The following HMCN1 variants were observed in gnomAD, a reference collection of about 807,000 sequenced individuals.
The protein encoded by HMCN1 is hemicentin 1.
A neutral mutation model predicts 625.9 loss-of-function variants in HMCN1; 321 were observed. The ratio of observed to expected loss-of-function variants is 0.51; its 90% CI spans 0.47 to 0.56. The LOEUF (loss-of-function observed/expected upper bound fraction) is 0.56, where lower values mean the gene tolerates loss of function less well. HMCN1 is among the 20% of genes least tolerant of loss of function. The pLI is 0.00. For missense variants in HMCN1, 6,588 were observed against 6,887.3 expected, an observed-to-expected ratio of 0.96 and a Z score of 1.54; for synonymous variants, 2,425 against 2,417.6, an observed-to-expected ratio of 1.00 and a Z score of -0.09.
intron 55 of HMCN1, among the ~76,000 whole-genome samples, chr1:186,078,597 T>G (rs1213479937): frequency 3.9e-5 from 6 of 152,198 alleles, no homozygotes; most frequent in Admixed American, 3.9e-4. Context: ...GGGATCCCCT[T>G]GGATAGCAAG....
At chr1:185,848,984 C>T (rs533935075) in intron 2 of HMCN1, among the ~76,000 whole-genome samples, 1 of 152,308 alleles carries the variant, frequency 6.6e-6, no homozygotes, top group Admixed American at 6.5e-5. Flanking sequence ...AGCTTCTCTA[C>T]TCTGCAGACA....
At chr1:185,759,767 G>A (rs932360598) in intron 1 of HMCN1, among the ~76,000 whole-genome samples, 20 of 150,756 alleles carry the variant, frequency 1.3e-4, no homozygotes, top group African/African-American at 4.6e-4. Flanking sequence ...ATGGACTTTT[G>A]TCTCTAACCT....
chr1:185,997,759 A>G (rs1004416926), intron 25 of HMCN1, among the ~76,000 whole-genome samples: 1 of 149,810 alleles, frequency 6.7e-6, no homozygotes, highest in Non-Finnish European at 1.5e-5. Flanking sequence ...AAACTTGCCT[A>G]GTCTCACATG....
At chr1:185,937,607 C>T (rs1027414386) in intron 11 of HMCN1, among the ~76,000 whole-genome samples, 7 of 152,112 alleles carry the variant, frequency 4.6e-5, no homozygotes, top group African/African-American at 4.8e-5. Context: ...ATGGGCTGGA[C>T]GCAGTGGCTC....
At chr1:185,888,421 T>C (rs1263069834) in intron 4 of HMCN1, among the ~76,000 whole-genome samples, 164 of 143,390 alleles carry the variant, frequency 1.1e-3, no homozygotes, top group African/African-American at 4.2e-3. Flanking sequence ...AGGTTTTCTT[T>C]TAGGGTTTTT....
chr1:185,888,999 T>A (rs1174918871), intron 4 of HMCN1, among the ~76,000 whole-genome samples: 1 of 146,376 alleles, frequency 6.8e-6, no homozygotes, highest in African/African-American at 2.8e-5. Flanking sequence ...CAGCGGTTTG[T>A]AGTTCTCCTT....
At chr1:185,842,641 G>A (rs1429965186) in intron 1 of HMCN1, among the ~76,000 whole-genome samples, 4 of 151,974 alleles carry the variant, frequency 2.6e-5, no homozygotes, top group Non-Finnish European at 4.4e-5. Flanking sequence ...GAGGCAGGAG[G>A]ATCACTTGAT....
intron 1 of HMCN1, among the ~76,000 whole-genome samples, chr1:185,802,471 G>T (rs1193826918): frequency 1.3e-5 from 2 of 152,140 alleles, no homozygotes; most frequent in African/African-American, 2.4e-5. Flanking sequence ...TAGTACAATG[G>T]CCTAAGAATA....
At chr1:186,184,486 A>G (rs12124387) in intron 105 of HMCN1, among the ~76,000 whole-genome samples, 36,375 of 152,116 alleles carry the variant, frequency 0.24, 4,748 homozygotes, top group Middle Eastern at 0.35. Flanking sequence ...AAGCATGACC[A>G]ATCAAGAATT....
intron 34 of HMCN1, among the ~76,000 whole-genome samples, chr1:186,018,691 G>A (rs1034423143): frequency 3.9e-5 from 6 of 151,960 alleles, no homozygotes; most frequent in African/African-American, 7.2e-5. Flanking sequence ...GAAGAGGCAC[G>A]GAGCAAGTTC....
chr1:186,117,593 A>AG lies in HMCN1; in HGVS notation c.11822dup (p.Asp3942ArgfsTer4). ...CAAAAATGGTATAAGACTGCTTCCC[A>AG]GGGGAGATGGCTATAGAATTCTGTC... On this transcript the variant is annotated frameshift_variant, in exon 77 of 107. Coordinates refer to ENST00000271588, the MANE Select transcript of HMCN1 (RefSeq NM_031935.3). LOFTEE classifies it high-confidence loss of function. 1 of 1,613,856 alleles carries AG rather than the reference A, an allele frequency of 6.2e-7. No homozygotes were observed.
At chr1:185,827,389 A>G (rs1364862916) in intron 1 of HMCN1, among the ~76,000 whole-genome samples, 3 of 152,090 alleles carry the variant, frequency 2.0e-5, no homozygotes, top group Admixed American at 1.3e-4. Context: ...TGCCAATAAA[A>G]AATAAAAGAA....
At chr1:185,956,476 A>G (rs1230625348) in intron 11 of HMCN1, among the ~76,000 whole-genome samples, 1 of 152,210 alleles carries the variant, frequency 6.6e-6, no homozygotes, top group Non-Finnish European at 1.5e-5. Context: ...TTTATTATAA[A>G]GGATATTACA....
intron 1 of HMCN1, among the ~76,000 whole-genome samples, chr1:185,748,319 C>T (rs1364987358): frequency 6.6e-6 from 1 of 152,052 alleles, no homozygotes; most frequent in East Asian, 1.9e-4. Flanking sequence ...TTGATCAGAT[C>T]ATTACACTTT....
rs148477598 is a variant in HMCN1, at chr1:185,749,688, T to A, written c.268+14641T>A. Among the ~76,000 whole-genome samples the A allele has an allele frequency of 9.5e-4, 145 of 152,308 alleles. 1 individual carries two copies. Among genetic ancestry groups the A allele is most frequent in the Admixed American group, 3.5e-3 (54 of 15,296 alleles). ...TCATTTTAAATTTGACCAGTTCTCATCTCCCTCTACAGGTACTCCTCTAGC... is the reference window on the plus strand; with the variant it reads ...TCATTTTAAATTTGACCAGTTCTCAACTCCCTCTACAGGTACTCCTCTAGC... On this transcript the variant is annotated intron_variant, in intron 1 of 106. Transcript: ENST00000271588.
intron 40 of HMCN1, among the ~76,000 whole-genome samples, chr1:186,043,977 A>T (rs1272735672): frequency 1.3e-5 from 2 of 152,180 alleles, no homozygotes; most frequent in Non-Finnish European, 2.9e-5. Context: ...GCTACCTGGG[A>T]GGCTGAGACA....
chr1:186,039,477 T>G (rs1355961805), intron 38 of HMCN1, among the ~76,000 whole-genome samples: 1 of 151,834 alleles, frequency 6.6e-6, no homozygotes, highest in Non-Finnish European at 1.5e-5. Context: ...CATAAAAAAC[T>G]GATTTTTTTA....
intron 71 of HMCN1, among the ~76,000 whole-genome samples, chr1:186,111,042 G>A (rs1366070553): frequency 3.0e-5 from 4 of 132,310 alleles, no homozygotes; most frequent in Admixed American, 1.8e-4. Flanking sequence ...ATGCAGTGGC[G>A]CGATCTCGGC....
At chr1:185,871,687 C>G (rs896027719) in intron 4 of HMCN1, among the ~76,000 whole-genome samples, 12 of 152,134 alleles carry the variant, frequency 7.9e-5, no homozygotes, top group Non-Finnish European at 1.6e-4. Flanking sequence ...TGAAAAGCCT[C>G]ATAGATTAGA....
Sources: gnomAD v4.1 joint callset for allele counts (sites outside exome capture counted in the v4.1 genomes callset) on GRCh38, gnomAD v4.1.1 for gene constraint, MANE v1.5 for transcripts, NCBI Gene and HGNC (gene_info 2026-07-23, HGNC 2026-07-21) for gene names.